SORCS1: variants seen among roughly 807,000 people sequenced by gnomAD.
SORCS1 encodes the protein sortilin related VPS10 domain containing receptor 1, also known as VPS10 domain-containing receptor SorCS1.
SORCS1 carries 60 observed loss-of-function variants against 146.1 expected under a neutral mutation model. That is an observed-to-expected ratio of 0.41 (90% CI 0.33 to 0.51). The LOEUF (loss-of-function observed/expected upper bound fraction) is 0.51, where lower values mean the gene tolerates loss of function less well. SORCS1 is among the 20% of genes least tolerant of loss of function. The probability of loss-of-function intolerance (pLI) is 0.21; values close to 1 mark genes in which losing one functional copy is unlikely to be tolerated. For synonymous variants in SORCS1, 637 were observed against 584.0 expected, an observed-to-expected ratio of 1.09 and a Z score of -1.31; for missense variants, 1,352 against 1,487.6, an observed-to-expected ratio of 0.91 and a Z score of 1.50.
chr10:107,139,009 T>C (rs2134699390), intron 1 of SORCS1, among the ~76,000 whole-genome samples: 1 of 152,308 alleles, frequency 6.6e-6, no homozygotes, highest in Non-Finnish European at 1.5e-5. Context: ...GCCAACCAAA[T>C]GAGGGTAAAC....
rs191205284 is a variant in SORCS1 at position 106,732,386 on chromosome 10, A to G, written c.960-2272T>C. Among the ~76,000 whole-genome samples the G allele has an allele frequency of 5.3e-5, 8 of 152,304 alleles. No homozygotes were observed. The East Asian group carries it at 1.5e-3, about 29-fold the overall frequency. Reference sequence around the variant, plus strand: ...GGCTTTGGGTGGTGACTCTCCTCACACTGAAGCATTAACTGGATCCGCAGG... The same window carrying G: ...GGCTTTGGGTGGTGACTCTCCTCACGCTGAAGCATTAACTGGATCCGCAGG... On this transcript the variant is annotated intron_variant, in intron 5 of 25. Coordinates refer to ENST00000263054, the MANE Select transcript of SORCS1 (RefSeq NM_052918.5).
intron 3 of SORCS1, among the ~76,000 whole-genome samples, chr10:106,778,453 C>T (rs779132096): frequency 5.3e-5 from 8 of 151,900 alleles, no homozygotes; most frequent in Non-Finnish European, 8.8e-5. Flanking sequence ...ATCAGATGGC[C>T]GACAAGGAGC....
At chr10:106,976,342 T>TTGTTTTTTTTTG (rs1554901335) in intron 1 of SORCS1, among the ~76,000 whole-genome samples, 9 of 141,290 alleles carry the variant, frequency 6.4e-5, no homozygotes, top group Middle Eastern at 3.3e-3. Context: ...TGTTTTTTTT[T>TTGTTTTTTTTTG]TTTTTTTGAG....
chr10:106,721,967 A>C (rs924758157), intron 6 of SORCS1, among the ~76,000 whole-genome samples: 8 of 152,170 alleles, frequency 5.3e-5, no homozygotes, highest in Admixed American at 5.2e-4. Context: ...CTGATATGAA[A>C]AGATTTTTAA....
intron 1 of SORCS1, among the ~76,000 whole-genome samples, chr10:106,985,539 CTTTT>C (rs575357494): frequency 2.2e-5 from 3 of 135,098 alleles, no homozygotes; most frequent in Admixed American, 7.5e-5. Context: ...TTCACTTAAG[CTTTT>C]TTTTTTTTTT....
At chr10:107,164,807 G>T (rs879304322), upstream of SORCS1, among the ~76,000 whole-genome samples, 1 of 148,068 alleles carries the variant, frequency 6.8e-6, no homozygotes, top group South Asian at 2.1e-4. The surrounding 1 kb of genome is among the most constrained non-coding windows in gnomAD (Gnocchi z 6.8). Flanking sequence ...GGCGACGCGG[G>T]AGGGAGGGCA....
intron 1 of SORCS1, among the ~76,000 whole-genome samples, chr10:107,037,929 C>T (rs775856779): frequency 8.5e-5 from 13 of 152,312 alleles, no homozygotes; most frequent in South Asian, 2.1e-4. Flanking sequence ...CAGGTTCAAG[C>T]GATTCTTGTG....
At chr10:106,802,466 G>C (rs1249916850) in intron 3 of SORCS1, among the ~76,000 whole-genome samples, 2 of 151,344 alleles carry the variant, frequency 1.3e-5, no homozygotes, top group East Asian at 3.9e-4. Context: ...AGAGTAGCCA[G>C]GATTACAGAC....
intron 17 of SORCS1, among the ~76,000 whole-genome samples, chr10:106,654,536 C>T (rs931048463): frequency 7.9e-5 from 12 of 152,292 alleles, no homozygotes; most frequent in Admixed American, 3.9e-4. Flanking sequence ...ATTCAAGCTC[C>T]TTGAGGGCCT....
At chr10:106,993,640 G>A (rs1358627830) in intron 1 of SORCS1, among the ~76,000 whole-genome samples, 1 of 152,030 alleles carries the variant, frequency 6.6e-6, no homozygotes, top group Non-Finnish European at 1.5e-5. Flanking sequence ...ATGCCCCAGT[G>A]TTCACAGTTG....
chr10:107,068,600 C>T (rs898441471), intron 1 of SORCS1, among the ~76,000 whole-genome samples: 2 of 152,174 alleles, frequency 1.3e-5, no homozygotes, highest in African/African-American at 2.4e-5. Context: ...AGCATGGTGG[C>T]TCACGCCTGT....
intron 1 of SORCS1, among the ~76,000 whole-genome samples, chr10:106,982,924 G>C (rs1956295455): frequency 6.6e-6 from 1 of 151,840 alleles, no homozygotes; most frequent in African/African-American, 2.4e-5. Flanking sequence ...TTTGATACCA[G>C]AGATCTTACT....
chr10:106,613,426 T>C (rs1158903429), intron 21 of SORCS1, among the ~76,000 whole-genome samples: 2 of 152,150 alleles, frequency 1.3e-5, no homozygotes, highest in African/African-American at 4.8e-5. Flanking sequence ...TCAGGAGTCT[T>C]GGAGCCAAAG....
chr10:106,842,561 C>G (rs1205210201), intron 2 of SORCS1, among the ~76,000 whole-genome samples: 1 of 151,560 alleles, frequency 6.6e-6, no homozygotes, highest in African/African-American at 2.4e-5. Context: ...TCTGTTCAGG[C>G]TCTTTGTCAT....
intron 1 of SORCS1, among the ~76,000 whole-genome samples, chr10:107,003,425 CATAAGT>C (rs1235535065): frequency 4.7e-5 from 6 of 127,316 alleles, no homozygotes; most frequent in African/African-American, 2.1e-4. Flanking sequence ...AATAAATTCC[CATAAGT>C]GTGTGTGTGT....
At chr10:106,916,430 A>G (rs932131750) in intron 2 of SORCS1, among the ~76,000 whole-genome samples, 2 of 150,082 alleles carry the variant, frequency 1.3e-5, no homozygotes, top group African/African-American at 4.9e-5. Flanking sequence ...GGGTATACAC[A>G]TACACACGAT....
chr10:106,868,507 C>A (rs1175721633), intron 2 of SORCS1, among the ~76,000 whole-genome samples: 1 of 152,108 alleles, frequency 6.6e-6, no homozygotes, highest in Non-Finnish European at 1.5e-5. Flanking sequence ...ACTCTCAGGC[C>A]ACAGTGCAAT....
At chr10:107,037,050 A>G (rs1253260154) in intron 1 of SORCS1, among the ~76,000 whole-genome samples, 2 of 152,090 alleles carry the variant, frequency 1.3e-5, no homozygotes, top group Non-Finnish European at 2.9e-5. Flanking sequence ...GTTTGAGACC[A>G]GCCTGGCTAA....
intron 4 of SORCS1, among the ~76,000 whole-genome samples, chr10:106,762,296 G>A (rs957457409): frequency 6.6e-6 from 1 of 151,062 alleles, no homozygotes; most frequent in Non-Finnish European, 1.5e-5. Flanking sequence ...GCTTATCTAT[G>A]TAAGCTTATC....
Sources: allele counts gnomAD v4.1 joint callset (sites outside exome capture counted in the v4.1 genomes callset), GRCh38; gene constraint gnomAD v4.1.1; non-coding constraint Gnocchi (gnomAD v3.1); transcripts MANE v1.5; gene names NCBI Gene and HGNC (gene_info 2026-07-23, HGNC 2026-07-21).